KAT7: variants seen among roughly 807,000 people sequenced by gnomAD.
The protein encoded by KAT7 is histone acetyltransferase KAT7.
In KAT7, 10 loss-of-function variants were observed where a neutral mutation model predicts 82.1. The observed-to-expected ratio is 0.12, with a 90% CI of 0.08 to 0.21. The LOEUF (loss-of-function observed/expected upper bound fraction) is 0.21, where lower values mean the gene tolerates loss of function less well. KAT7 is among the 10% of genes least tolerant of loss of function. KAT7 has a pLI of 1.00. For missense variants in KAT7, 378 were observed against 760.9 expected, an observed-to-expected ratio of 0.50 and a Z score of 5.92; for synonymous variants, 250 against 262.5, an observed-to-expected ratio of 0.95 and a Z score of 0.46.
intron 1 of KAT7, 83 bp downstream of exon 1, chr17:49,788,932 G>A (rs1243361982): frequency 3.8e-6 from 5 of 1,315,586 alleles, no homozygotes; most frequent in Non-Finnish European, 3.1e-6. Flanking sequence ...GCCTCACAGT[G>A]CTTGGGTCCC....
At chr17:49,791,750 T>G in intron 1 of KAT7, 136 bp from the exon 2 acceptor site, 116 of 788,926 alleles carry the variant, frequency 1.5e-4, no homozygotes, top group Middle Eastern at 3.8e-4. Context: ...GGTGGGAGGA[T>G]GAGAAATGCT....
chr17:49,798,874 C>G (rs983141789), intron 4 of KAT7, among the ~76,000 whole-genome samples: 1 of 152,108 alleles, frequency 6.6e-6, no homozygotes, highest in African/African-American at 2.4e-5. Flanking sequence ...CTGCATGGCA[C>G]ATAGCTCGTA....
At chr17:49,796,566 C>T (rs893134572) in intron 2 of KAT7, among the ~76,000 whole-genome samples, 184 bp from the exon 3 acceptor site, 9 of 152,162 alleles carry the variant, frequency 5.9e-5, no homozygotes, top group African/African-American at 1.9e-4. Context: ...TACTACATTA[C>T]ATCTGTATAC....
At position 49,827,457 on chromosome 17, in the gene KAT7, C is replaced by T. The variant is rs1485708765; in HGVS notation, c.1791C>T (p.Thr597=). The change falls in exon 15 of 15, where the codon ACC becomes ACT. Residue 597 remains threonine, a synonymous_variant. Transcript: ENST00000259021. ...KEAKRSNSNK[T]MDPSCLKWTP... Reference sequence around the variant, plus strand: ...CCAAAAGGTCCAACTCCAATAAAACCATGGATCCCAGCTGCTTAAAATGGA... The same window carrying T: ...CCAAAAGGTCCAACTCCAATAAAACTATGGATCCCAGCTGCTTAAAATGGA... 1.2e-6 allele frequency: 2 copies of T among 1,613,818 alleles called. No individual in the cohort carries two copies. The highest frequency in any genetic ancestry group is 1.1e-5 in the South Asian group (1 of 91,072).
At chr17:49,790,384 A>G (rs2073871100) in intron 1 of KAT7, among the ~76,000 whole-genome samples, 1 of 152,064 alleles carries the variant, frequency 6.6e-6, no homozygotes, top group Non-Finnish European at 1.5e-5. Flanking sequence ...TTTAATAGAG[A>G]CGGGATTTCA....
chr17:49,810,000 G>A (rs997228074), intron 6 of KAT7, among the ~76,000 whole-genome samples: 2 of 152,218 alleles, frequency 1.3e-5, no homozygotes, highest in Non-Finnish European at 2.9e-5. Context: ...GATATATGGT[G>A]ATGAGGAAGA....
chr17:49,807,746 A>G (rs2074109165), intron 5 of KAT7, among the ~76,000 whole-genome samples: 1 of 152,206 alleles, frequency 6.6e-6, no homozygotes, highest in Non-Finnish European at 1.5e-5. Context: ...TATCGGCAGC[A>G]ATTCTAAGAC....
rs1379796849 is a variant in KAT7 at position 49,829,492 on chromosome 17, C to G, written c.*1990C>G. The G allele has an allele frequency of 3.3e-5, 5 of 152,188 alleles. No homozygotes were observed. Among genetic ancestry groups the G allele is most frequent in the African/African-American group, 1.2e-4 (5 of 41,442 alleles). 9.4% of individuals were successfully genotyped at this position (152,188 alleles called of 1,614,324 possible). A position where few individuals can be genotyped will look rare whatever the true frequency, so the allele number is the denominator to read the frequency against. The stretch of plus-strand genomic sequence containing the variant: ...TGGGAACAGACATTCCTTCTCATCT[C>G]CAAGCTCATTCACCAGTATTGAGCA... On this transcript the variant is annotated 3_prime_UTR_variant, in exon 15 of 15. Coordinates refer to ENST00000259021, the MANE Select transcript of KAT7 (RefSeq NM_007067.5).
chr17:49,801,508 G>C (rs1204229406), intron 4 of KAT7, among the ~76,000 whole-genome samples: 1 of 150,442 alleles, frequency 6.6e-6, no homozygotes, highest in African/African-American at 2.4e-5. Context: ...CTTTTTTTTT[G>C]AGGCAGAGTC....
intron 9 of KAT7, among the ~76,000 whole-genome samples, chr17:49,820,023 A>C (rs1188976871): frequency 6.6e-6 from 1 of 152,106 alleles, no homozygotes; most frequent in East Asian, 1.9e-4. Flanking sequence ...GGGAGGCTGA[A>C]GTGGGAGGAT....
At chr17:49,821,929 A>G in intron 11 of KAT7, 139 bp downstream of exon 11, 1 of 746,878 alleles carries the variant, frequency 1.3e-6, no homozygotes. Context: ...AAAAAAAAAA[A>G]AAAGGCAAAC....
intron 1 of KAT7, among the ~76,000 whole-genome samples, chr17:49,790,818 G>A (rs1208298654): frequency 6.6e-6 from 1 of 152,162 alleles, no homozygotes. Flanking sequence ...AACACAACTG[G>A]CCCTCAGGGT....
intron 1 of KAT7, among the ~76,000 whole-genome samples, chr17:49,790,143 C>T (rs2143827632): frequency 6.6e-6 from 1 of 152,220 alleles, no homozygotes; most frequent in East Asian, 1.9e-4. Flanking sequence ...AAAATGTACA[C>T]TTTTTAATGT....
At position 49,798,358 on chromosome 17, in the gene KAT7, G is replaced by T; in HGVS notation, c.380G>T (p.Arg127Leu). 1 of 1,614,118 alleles carries T rather than the reference G, an allele frequency of 6.2e-7. No individual in the cohort carries two copies. The highest frequency in any genetic ancestry group is 8.5e-7 in the Non-Finnish European group (1 of 1,179,992). ...NTADHDESPP[R>L]TPTGNAPSSE... is the part of the protein sequence containing the mutation. ...GCTGATCATGATGAGTCACCGCCTC[G>T]AACTCCAACTGGAAATGCGCCTTCT... Residue 127 changes from arginine to leucine, a missense_variant, in exon 4 of 15, where the codon CGA (arginine) becomes CTA (leucine). Physicochemically the swap from Arg to Leu is moderately radical, Grantham distance 102 (BLOSUM62 -2). Transcript: ENST00000259021.
At chr17:49,802,926 A>G (rs183587612) in intron 4 of KAT7, among the ~76,000 whole-genome samples, 197 of 151,848 alleles carry the variant, frequency 1.3e-3, no homozygotes, top group African/African-American at 4.5e-3. Flanking sequence ...GAGTCTCACT[A>G]TGTATGTCAC....
intron 11 of KAT7, among the ~76,000 whole-genome samples, chr17:49,822,530 C>G (rs2074317894): frequency 1.3e-5 from 2 of 152,096 alleles, no homozygotes; most frequent in African/African-American, 4.8e-5. Context: ...TGCGCCCGGC[C>G]TAAGTCATAA....
rs2073839421 is a variant in KAT7 at position 49,788,721 on chromosome 17, A to C, written c.-114A>C. 2 of 1,185,142 alleles carry C rather than the reference A, an allele frequency of 1.7e-6. No homozygotes were observed. Among genetic ancestry groups the C allele is most frequent in the Non-Finnish European group, 2.3e-6 (2 of 856,828 alleles). 73.4% of individuals were successfully genotyped at this position (1,185,142 alleles called of 1,614,324 possible). A position where few individuals can be genotyped will look rare whatever the true frequency, so the allele number is the denominator to read the frequency against. ...CGCTGAGAGGCAGGAGGCACTAGGG[A>C]TCGTCCGCAGGATTGGGACTGATAC... On this transcript the variant is annotated 5_prime_UTR_variant, in exon 1 of 15. Transcript: ENST00000259021.
At chr17:49,810,677 T>A (rs904186309) in intron 6 of KAT7, among the ~76,000 whole-genome samples, 14 of 152,232 alleles carry the variant, frequency 9.2e-5, no homozygotes, top group African/African-American at 3.4e-4. Context: ...TATAAATGAT[T>A]AGTTGAAATG....
In KAT7 at chr17:49,809,978, T is replaced by G. The variant is rs538219191; in HGVS notation, c.753+770T>G. ...GTCTGTTTTTGCAGTTAGATTATAG[T>G]TGGATAGCAGAGATATATGGTGATG... is the stretch of plus-strand genomic sequence containing the variant. On this transcript the variant is annotated intron_variant, in intron 6 of 14. Coordinates refer to ENST00000259021, the MANE Select transcript of KAT7 (RefSeq NM_007067.5). Among the ~76,000 whole-genome samples the G allele has an allele frequency of 2.6e-5, 4 of 152,364 alleles. No homozygotes were observed. In the South Asian group the frequency reaches 6.2e-4, roughly 24 times the overall value.
Sources: gnomAD v4.1 joint callset for allele counts (sites outside exome capture counted in the v4.1 genomes callset) on GRCh38, gnomAD v4.1.1 for gene constraint, MANE v1.5 for transcripts, NCBI Gene and HGNC (gene_info 2026-07-23, HGNC 2026-07-21) for gene names.